The following KANK2 variants were observed in gnomAD, a reference collection of about 807,000 sequenced individuals.
KANK2 encodes KN motif and ankyrin repeat domain-containing protein 2.
Under a neutral mutation model 74.6 loss-of-function variants are expected in KANK2, and 41 were observed. The ratio of observed to expected loss-of-function variants is 0.55; its 90% CI spans 0.43 to 0.71. KANK2 has a LOEUF of 0.71. Among genes scored for constraint, KANK2 ranks in the 30% least tolerant of loss-of-function variants. The pLI, the probability that KANK2 is intolerant of heterozygous loss-of-function variation, is 0.00. For synonymous variants in KANK2, 537 were observed against 519.0 expected, an observed-to-expected ratio of 1.03 and a Z score of -0.47; for missense variants, 1,148 against 1,196.4, an observed-to-expected ratio of 0.96 and a Z score of 0.60.
At chr19:11,172,458 C>T (rs953949805) in intron 10 of KANK2, among the ~76,000 whole-genome samples, 1 of 152,136 alleles carries the variant, frequency 6.6e-6, no homozygotes, top group Non-Finnish European at 1.5e-5. Flanking sequence ...GTCCTGGCTT[C>T]CCTGCTCTTT....
chr19:11,169,455 C>A (rs951288202), intron 12 of KANK2, among the ~76,000 whole-genome samples: 3 of 152,132 alleles, frequency 2.0e-5, no homozygotes, highest in Non-Finnish European at 2.9e-5. Context: ...TTGCAGTGAG[C>A]TTTAATTGTG....
chr19:11,192,624 T>G lies in KANK2; in HGVS notation c.1249+207A>C, dbSNP rs756051391. ...CTAATTTTTGTATTTTTAGTAGAGA[T>G]GGGTTTCACCATGTTGGCCAGGCTG... On this transcript the variant is annotated intron_variant, in intron 4 of 12. Transcript: ENST00000586659. 3 of 567,496 alleles carry G rather than the reference T, an allele frequency of 5.3e-6. No individual in the cohort carries two copies. The East Asian group carries it at 1.1e-4, about 20-fold the overall frequency. The allele number at this position is 567,496 out of a possible 1,614,324, so 35.2% of individuals were successfully genotyped here. A position where few individuals can be genotyped will look rare whatever the true frequency, so the allele number is the denominator to read the frequency against.
chr19:11,172,635 C>G (rs2078209878), intron 10 of KANK2, among the ~76,000 whole-genome samples: 1 of 152,270 alleles, frequency 6.6e-6, no homozygotes, highest in South Asian at 2.1e-4. Flanking sequence ...GGCTTGAGTC[C>G]CGGTGCTCCC....
chr19:11,166,672 A>G (rs1048604877), intron 12 of KANK2, 61 bp from the exon 13 acceptor site: 4 of 1,518,320 alleles, frequency 2.6e-6, no homozygotes, highest in Non-Finnish European at 2.7e-6. Context: ...CGAGGCGCCA[A>G]CGTGGTGGCT....
intron 4 of KANK2, among the ~76,000 whole-genome samples, chr19:11,183,383 T>C (rs1380960436): frequency 6.6e-6 from 1 of 152,142 alleles, no homozygotes; most frequent in Non-Finnish European, 1.5e-5. Context: ...TCTCATAGCA[T>C]ACACAAGAAA....
At chr19:11,174,223 A>C (rs2078264233) in intron 9 of KANK2, among the ~76,000 whole-genome samples, 1 of 151,770 alleles carries the variant, frequency 6.6e-6, no homozygotes. Context: ...CATATACCCC[A>C]CCCCATTGAA....
At chr19:11,187,424 A>G (rs1199771367) in intron 4 of KANK2, among the ~76,000 whole-genome samples, 1 of 152,156 alleles carries the variant, frequency 6.6e-6, no homozygotes, top group Admixed American at 6.6e-5. Context: ...CGCACAAGGC[A>G]TATTTTTCAA....
chr19:11,192,818 T>C lies in KANK2; in HGVS notation c.1249+13A>G, dbSNP rs1472120001. 1.4e-6 allele frequency: 2 copies of C among 1,410,206 alleles called. No individual in the cohort carries two copies. The highest frequency in any genetic ancestry group is 2.9e-5 in the African/African-American group (2 of 68,352). The allele number at this position is 1,410,206 out of a possible 1,614,324, so 87.4% of individuals were successfully genotyped here. A position where few individuals can be genotyped will look rare whatever the true frequency, so the allele number is the denominator to read the frequency against. ...CCCAAGCCATTCTCCCCTGCCTGCCTGCGACCGCTTACCTGCTGCTCCATC... is the reference window on the plus strand; with the variant it reads ...CCCAAGCCATTCTCCCCTGCCTGCCCGCGACCGCTTACCTGCTGCTCCATC... On this transcript the variant is annotated intron_variant, in intron 4 of 12. Transcript: ENST00000586659.
In KANK2 at chr19:11,193,523, G is replaced by T; in HGVS notation, c.557C>A (p.Ala186Asp). Residue 186 changes from alanine to aspartate, a missense_variant, in exon 4 of 13, where the codon GCC (alanine) becomes GAC (aspartate). Transcript: ENST00000586659. The surrounding 1 kb of genome is among the most constrained non-coding windows in gnomAD (Gnocchi z 9.6). ...TPVPPSAGHL[A>D]HVREQMAGAL... ...ACCCGCCATCTGCTCCCGCACGTGG[G>T]CCAGGTGCCCGGCACTGGGAGGCAC... is the stretch of plus-strand genomic sequence containing the variant. The T allele has an allele frequency of 6.2e-7, 1 of 1,607,740 alleles. No individual in the cohort carries two copies. The highest frequency in any genetic ancestry group is 1.1e-5 in the South Asian group (1 of 91,046).
At chr19:11,180,803 AG>A (rs2147489830) in intron 4 of KANK2, among the ~76,000 whole-genome samples, 1 of 152,110 alleles carries the variant, frequency 6.6e-6, no homozygotes, top group East Asian at 1.9e-4. Context: ...AATCCTGGAG[AG>A]GCCGGGCGCA....
At chr19:11,176,042 G>T in intron 7 of KANK2, 53 bp from the exon 8 acceptor site, 3 of 1,421,494 alleles carry the variant, frequency 2.1e-6, no homozygotes, top group Non-Finnish European at 3.0e-6. Context: ...GCGGTGCCTG[G>T]GAAGGGACTT....
rs1345938999 is a variant in KANK2 at position 11,193,031 on chromosome 19, G to T, written c.1049C>A (p.Pro350His). The change falls in exon 4 of 13, where the codon CCC (proline) becomes CAC (histidine). Residue 350 changes from proline (P) to histidine (H), a missense_variant. Transcript: ENST00000586659. The surrounding 1 kb of genome is among the most constrained non-coding windows in gnomAD (Gnocchi z 9.6). ...CTCCAGGCTCTGGGCCCGCTGTGCG[G>T]GGGCGCCAGCGGCTGTGCTGGCCAC... is the stretch of plus-strand genomic sequence containing the variant. ...EVVASTAAGA[P>H]AQRAQSLEPY... is the part of the protein sequence containing the mutation. The T allele has an allele frequency of 6.2e-7, 1 of 1,612,484 alleles. No homozygotes were observed. Among genetic ancestry groups the T allele is most frequent in the African/African-American group, 1.3e-5 (1 of 75,038 alleles).
intron 2 of KANK2, chr19:11,194,791 CCTCA>C: frequency 2.7e-6 from 1 of 367,556 alleles, no homozygotes; most frequent in East Asian, 5.8e-5. Flanking sequence ...AGAAACCAAA[CCTCA>C]CTGCCTGCTT....
Position 11,170,320 on chromosome 19 carries a change from G to T in KANK2, c.2212-72C>A. ...CAGGACACCCCCTGGTCTAGAACCT[G>T]CTGTAGCTCCCACATACTCTGATGG... On this transcript the variant is annotated intron_variant, in intron 10 of 12. Transcript: ENST00000586659. This position sits in a 1 kb window ranked among gnomAD's most constrained non-coding sequence, Gnocchi z 5.2. 2 of 1,242,338 alleles carry T rather than the reference G, an allele frequency of 1.6e-6. No homozygotes were observed. Among genetic ancestry groups the T allele is most frequent in the Non-Finnish European group, 2.3e-6 (2 of 868,452 alleles). 77.0% of individuals were successfully genotyped at this position (1,242,338 alleles called of 1,614,324 possible).
In KANK2 at chr19:11,169,940, G is replaced by C; in HGVS notation, c.2439C>G (p.Ala813=). The change falls in exon 12 of 13, where the codon GCC becomes GCG. Residue 813 remains alanine (A), a synonymous_variant. Coordinates refer to ENST00000586659, the MANE Select transcript of KANK2 (RefSeq NM_001136191.3). ...CAATCTCACTCTGCCCTGCGTCCAA[G>C]GCCACCATCAGAGCTGTGCTCCCAT... is the stretch of plus-strand genomic sequence containing the variant. ...DRDGSTALMV[A]LDAGQSEIAS... is the part of the protein sequence containing the mutation. 1 of 1,614,190 alleles carries C rather than the reference G, an allele frequency of 6.2e-7. No homozygotes were observed. Among genetic ancestry groups the C allele is most frequent in the East Asian group, 2.2e-5 (1 of 44,884 alleles).
chr19:11,170,440 T>C lies in KANK2; in HGVS notation c.2212-192A>G, dbSNP rs1266274835. 1.7e-6 allele frequency: 1 copy of C among 594,792 alleles called. No individual in the cohort carries two copies. The highest frequency in any genetic ancestry group is 1.9e-5 in the African/African-American group (1 of 53,516). 36.8% of individuals were successfully genotyped at this position (594,792 alleles called of 1,614,324 possible). A position where few individuals can be genotyped will look rare whatever the true frequency, so the allele number is the denominator to read the frequency against. ...TAAATCCACAGAGACAGAAAGCGGA[T>C]GAGTGGTTGCCAGAGGCTGGGAGAA... On this transcript the variant is annotated intron_variant, in intron 10 of 12. Transcript: ENST00000586659. The surrounding 1 kb of genome is among the most constrained non-coding windows in gnomAD (Gnocchi z 5.2).
In KANK2 at chr19:11,175,922, C is replaced by T. The variant is rs1388658995; in HGVS notation, c.1828G>A (p.Ala610Thr). ...ALEKYLDNPNALTERELKVAY... is the reference protein window; with the variant it reads ...ALEKYLDNPNTLTERELKVAY... ...CGTACCAGCTCCCGCTCTGTGAGGG[C>T]GTTGGGATTGTCCAGGTACTTTTCC... The change falls in exon 8 of 13, where the codon GCC (alanine) becomes ACC (threonine). Residue 610 changes from alanine (A) to threonine (T), a missense_variant. Transcript: ENST00000586659. The T allele has an allele frequency of 5.0e-6, 8 of 1,613,546 alleles. No homozygotes were observed. The highest frequency in any genetic ancestry group is 1.1e-5 in the South Asian group (1 of 90,952).
chr19:11,188,755 G>A lies in KANK2; in HGVS notation c.1249+4076C>T, dbSNP rs145446845. Among the ~76,000 whole-genome samples, 869 of 151,766 alleles carry A rather than the reference G, an allele frequency of 5.7e-3. 2 individuals carry two copies. Among genetic ancestry groups the A allele is most frequent in the Admixed American group, 8.0e-3 (122 of 15,226 alleles). On this transcript the variant is annotated intron_variant, in intron 4 of 12. Coordinates refer to ENST00000586659, the MANE Select transcript of KANK2 (RefSeq NM_001136191.3). ...TCCCAGCACTTTGGGAGGCCGAGGC[G>A]GGCAGACCACAAGGTTAGGAGTTCA...
chr19:11,185,963 T>C (rs75299466), intron 4 of KANK2, among the ~76,000 whole-genome samples: 10,039 of 152,228 alleles, frequency 0.066, 385 homozygotes, highest in Admixed American at 0.09. Context: ...CCCGAGAGGT[T>C]TAGGCTGCAG....
Sources: allele counts gnomAD v4.1 joint callset (sites outside exome capture counted in the v4.1 genomes callset), GRCh38; gene constraint gnomAD v4.1.1; non-coding constraint Gnocchi (gnomAD v3.1); transcripts MANE v1.5; gene names NCBI Gene and HGNC (gene_info 2026-07-23, HGNC 2026-07-21).